The following RANBP17 variants were observed in gnomAD, a reference collection of about 807,000 sequenced individuals.
The protein encoded by RANBP17 is ran-binding protein 17.
RANBP17 carries 158 observed loss-of-function variants against 141.2 expected under a neutral mutation model. That is an observed-to-expected ratio of 1.12 (90% CI 0.98 to 1.28). The LOEUF is 1.28. RANBP17 is among the 50% of genes most tolerant of loss of function. The probability of loss-of-function intolerance (pLI) is 0.00; values close to 1 mark genes in which losing one functional copy is unlikely to be tolerated. For missense variants in RANBP17, 1,438 were observed against 1,290.7 expected (o/e 1.11, Z -1.75); for synonymous variants, 430 against 450.0 (o/e 0.96, Z 0.56).
intron 5 of RANBP17, among the ~76,000 whole-genome samples, chr5:170,906,448 T>C (rs1486630101): frequency 6.6e-6 from 1 of 151,976 alleles, no homozygotes. Context: ...ACTGTGCCCA[T>C]CTCCTTGCCT....
At chr5:170,931,131 T>C (rs1773338322) in intron 12 of RANBP17, among the ~76,000 whole-genome samples, 1 of 152,224 alleles carries the variant, frequency 6.6e-6, no homozygotes, top group Non-Finnish European at 1.5e-5. Flanking sequence ...TATCTCATTG[T>C]GGTTTTGATT....
At chr5:170,951,810 T>C (rs1233221467) in intron 12 of RANBP17, among the ~76,000 whole-genome samples, 1 of 152,034 alleles carries the variant, frequency 6.6e-6, no homozygotes, top group Non-Finnish European at 1.5e-5. Flanking sequence ...TATGGAGTTG[T>C]GAGATTCATC....
At chr5:171,075,515 A>G (rs1784864802) in intron 14 of RANBP17, among the ~76,000 whole-genome samples, 1 of 152,192 alleles carries the variant, frequency 6.6e-6, no homozygotes. Context: ...CAGAAAGTAC[A>G]TTATTGATTG....
In RANBP17 at chr5:171,213,723, A is replaced by C. The variant is rs1338408240; in HGVS notation, c.2324A>C (p.Glu775Ala). The change falls in exon 21 of 28, where the codon GAA (glutamate) becomes GCA (alanine). Residue 775 changes from glutamate to alanine, a missense_variant. By Grantham distance (107) the Glu-to-Ala change is moderately radical. Transcript: ENST00000523189. ...ACTCCCATCTTGAAACTTATGGCAG[A>C]ACTTATGCAAAACAGGTAAGCAGTG... The part of the protein sequence containing the change: ...CTTPILKLMA[E>A]LMQNRSQRLN... 2 of 1,612,136 alleles carry C rather than the reference A, an allele frequency of 1.2e-6. No individual in the cohort carries two copies. The highest frequency in any genetic ancestry group is 2.7e-5 in the African/African-American group (2 of 74,890).
chr5:171,208,776 C>T (rs1762717914), intron 20 of RANBP17, among the ~76,000 whole-genome samples: 1 of 152,112 alleles, frequency 6.6e-6, no homozygotes. Flanking sequence ...ATTTCGCTTT[C>T]CATAAAACAA....
rs867900144 is a variant in RANBP17, at chr5:171,123,390, A to G, written c.1711-46740A>G. On this transcript the variant is annotated intron_variant, in intron 14 of 27. Coordinates refer to ENST00000523189, the MANE Select transcript of RANBP17 (RefSeq NM_022897.5). ...ACACACAGCTACCAAGACCCAGCTC[A>G]CCCAAACTGCCAATGCCAATGCTGG... is the stretch of plus-strand genomic sequence containing the variant. Among the ~76,000 whole-genome samples, 18 of 152,328 alleles carry G rather than the reference A, an allele frequency of 1.2e-4. No individual in the cohort carries two copies. In the South Asian group the frequency reaches 1.2e-3, roughly 11 times the overall value.
At chr5:171,252,385 A>G in intron 24 of RANBP17, 2 of 1,535,038 alleles carry the variant, frequency 1.3e-6, no homozygotes, top group Non-Finnish European at 1.8e-6. Context: ...TTGTGAAACT[A>G]TGAGCAGCAA....
chr5:171,287,361 G>A (rs1045888968), intron 25 of RANBP17, among the ~76,000 whole-genome samples: 6 of 152,214 alleles, frequency 3.9e-5, no homozygotes, highest in South Asian at 2.1e-4. Context: ...GTGGTGGCCC[G>A]TGCCTATAGC....
At chr5:170,897,243 T>C in intron 5 of RANBP17, 2 of 648,640 alleles carry the variant, frequency 3.1e-6, no homozygotes, top group Non-Finnish European at 6.0e-6. Context: ...GACCAGGTTT[T>C]AGAGAAACTC....
At chr5:171,287,140 C>A (rs986669153) in intron 25 of RANBP17, among the ~76,000 whole-genome samples, 11 of 152,194 alleles carry the variant, frequency 7.2e-5, no homozygotes, top group African/African-American at 2.7e-4. Flanking sequence ...CTAGCTTGGT[C>A]AGAAGTACAG....
intron 13 of RANBP17, among the ~76,000 whole-genome samples, chr5:170,957,733 G>T (rs948885399): frequency 6.6e-6 from 1 of 152,138 alleles, no homozygotes; most frequent in Admixed American, 6.5e-5. Flanking sequence ...ATACAAGAAG[G>T]CTGTCATGTG....
At position 171,025,444 on chromosome 5, in the gene RANBP17, C is replaced by G. The variant is rs79201677; in HGVS notation, c.1710+57067C>G. The stretch of plus-strand genomic sequence containing the variant: ...ATTAGGGTCTTTGCATGTATTGTTT[C>G]TTTCTTGCATGGAATGGCTGTTTTC... On this transcript the variant is annotated intron_variant, in intron 14 of 27. Transcript: ENST00000523189. Among the ~76,000 whole-genome samples, 316 of 152,148 alleles carry G rather than the reference C, an allele frequency of 2.1e-3. 8 individuals are homozygous for G. In the East Asian group the frequency reaches 0.021, roughly 10 times the overall value.
In RANBP17 at chr5:171,238,710, G is replaced by T. The variant is rs1207550925; in HGVS notation, c.2423-2218G>T. Among the ~76,000 whole-genome samples the T allele has an allele frequency of 3.3e-5, 5 of 152,148 alleles. No homozygotes were observed. The East Asian group carries it at 9.6e-4, about 29-fold the overall frequency. ...TTGAGGCAAAGGTAGAAAAACAGTG[G>T]TGTAGAACTGTTCTTTTCTGAAGTA... On this transcript the variant is annotated intron_variant, in intron 22 of 27. Coordinates refer to ENST00000523189, the MANE Select transcript of RANBP17 (RefSeq NM_022897.5).
At chr5:170,872,013 G>A (rs1383828613) in intron 1 of RANBP17, among the ~76,000 whole-genome samples, 2 of 152,098 alleles carry the variant, frequency 1.3e-5, no homozygotes, top group African/African-American at 2.4e-5. Flanking sequence ...CTCTTTTTTG[G>A]TTCCATATGA....
At chr5:171,127,576 A>G (rs942251086) in intron 14 of RANBP17, among the ~76,000 whole-genome samples, 3 of 152,256 alleles carry the variant, frequency 2.0e-5, no homozygotes, top group African/African-American at 7.2e-5. Context: ...CAAAGAAGAC[A>G]TACAAATAGC....
At chr5:170,885,881 T>G (rs968870409) in intron 3 of RANBP17, among the ~76,000 whole-genome samples, 358 of 152,090 alleles carry the variant, frequency 2.4e-3, no homozygotes, top group Non-Finnish European at 4.0e-3. Context: ...TTTTTTTTTT[T>G]TTGCCACATC....
intron 5 of RANBP17, chr5:170,896,317 A>G: frequency 3.6e-6 from 2 of 551,318 alleles, no homozygotes; most frequent in South Asian, 2.4e-5. Context: ...AGATATCTGC[A>G]ATAGTACAGA....
chr5:171,145,241 G>A (rs1165315577), intron 14 of RANBP17, among the ~76,000 whole-genome samples: 1 of 152,108 alleles, frequency 6.6e-6, no homozygotes, highest in East Asian at 1.9e-4. Flanking sequence ...GCCCCAAACA[G>A]TTGGTCTTTG....
intron 14 of RANBP17, among the ~76,000 whole-genome samples, chr5:171,123,193 A>T (rs892252296): frequency 6.6e-6 from 1 of 152,106 alleles, no homozygotes; most frequent in African/African-American, 2.4e-5. Context: ...GACCCACCAG[A>T]GCTAGCACCC....
Sources: gnomAD v4.1 joint callset for allele counts (sites outside exome capture counted in the v4.1 genomes callset) on GRCh38, gnomAD v4.1.1 for gene constraint, MANE v1.5 for transcripts, NCBI Gene and HGNC (gene_info 2026-07-23, HGNC 2026-07-21) for gene names.